Variants in PJA2 observed in about 807,000 individuals in gnomAD.
PJA2 encodes the protein praja ring finger ubiquitin ligase 2.
PJA2 carries 25 observed loss-of-function variants against 69.3 expected under a neutral mutation model. The ratio of observed to expected loss-of-function variants is 0.36; its 90% confidence interval spans 0.26 to 0.50. PJA2 has a LOEUF of 0.50. Ranked by LOEUF, PJA2 falls within the 20% of genes least tolerant of loss-of-function variation. The pLI is 0.96. For synonymous variants in PJA2, 308 were observed against 277.8 expected, an observed-to-expected ratio of 1.11 and a Z score of -1.08; for missense variants, 809 against 830.2, an observed-to-expected ratio of 0.97 and a Z score of 0.31.
chr5:109,370,114 T>C (rs1280352808), intron 4 of PJA2, among the ~76,000 whole-genome samples: 2 of 151,936 alleles, frequency 1.3e-5, no homozygotes, highest in African/African-American at 2.4e-5. Context: ...TTAACTACTC[T>C]TAGTTTTTAA....
chr5:109,360,742 A>G (rs1023970487), intron 6 of PJA2, among the ~76,000 whole-genome samples: 2 of 152,228 alleles, frequency 1.3e-5, no homozygotes, highest in Non-Finnish European at 2.9e-5. Flanking sequence ...GACCACTAGT[A>G]AGGTTTCTAA....
chr5:109,357,445 C>A (rs901138158), intron 6 of PJA2, among the ~76,000 whole-genome samples: 2 of 152,152 alleles, frequency 1.3e-5, no homozygotes, highest in Non-Finnish European at 2.9e-5. Flanking sequence ...TACAAAGCAA[C>A]AGACATGCAC....
At chr5:109,394,416 C>A (rs893931084) in intron 1 of PJA2, among the ~76,000 whole-genome samples, 4 of 152,126 alleles carry the variant, frequency 2.6e-5, no homozygotes, top group African/African-American at 7.2e-5. Context: ...TGAAGTTACA[C>A]CCATTTTTAT....
At chr5:109,399,587 G>C (rs538806695) in intron 1 of PJA2, among the ~76,000 whole-genome samples, 1 of 152,180 alleles carries the variant, frequency 6.6e-6, no homozygotes. Flanking sequence ...TCACGAATTA[G>C]ATTGAATCAA....
intron 7 of PJA2, 149 bp downstream of exon 7, chr5:109,355,766 A>G (rs1762402566): frequency 3.8e-6 from 2 of 521,380 alleles, no homozygotes; most frequent in East Asian, 5.8e-5. Context: ...TTGTATGCAC[A>G]TACTGGTGAC....
chr5:109,393,789 C>A (rs531437003), intron 1 of PJA2, among the ~76,000 whole-genome samples: 5 of 152,168 alleles, frequency 3.3e-5, no homozygotes, highest in African/African-American at 1.2e-4. Context: ...ACCATAGCTA[C>A]CCACAACAGG....
chr5:109,353,362 T>C (rs1260321000), intron 7 of PJA2, among the ~76,000 whole-genome samples: 4 of 141,512 alleles, frequency 2.8e-5, no homozygotes, highest in African/African-American at 1.0e-4. Context: ...ATCTATATAT[T>C]AGATACCTAT....
chr5:109,400,901 T>C (rs1425797158), intron 1 of PJA2, among the ~76,000 whole-genome samples: 1 of 152,074 alleles, frequency 6.6e-6, no homozygotes, highest in African/African-American at 2.4e-5. Context: ...GAGACTGGCA[T>C]GAACCTGGGA....
chr5:109,387,494 C>A (rs1747185387), intron 1 of PJA2, among the ~76,000 whole-genome samples: 1 of 152,232 alleles, frequency 6.6e-6, no homozygotes, highest in Non-Finnish European at 1.5e-5. Flanking sequence ...TAGTTGTTTC[C>A]TCCAGGTACT....
intron 1 of PJA2, among the ~76,000 whole-genome samples, chr5:109,386,739 T>C (rs994156456): frequency 6.6e-6 from 1 of 152,096 alleles, no homozygotes; most frequent in Non-Finnish European, 1.5e-5. Context: ...CATCTGAAAA[T>C]ACTATCTCCC....
Position 109,354,509 on chromosome 5 carries a change from T to TA in PJA2, c.1764+1405dup, listed in dbSNP as rs200051199. Among the ~76,000 whole-genome samples, 118 of 31,034 alleles carry TA rather than the reference T, an allele frequency of 3.8e-3. 5 individuals carry two copies. The highest frequency in any genetic ancestry group is 0.025 in the East Asian group (61 of 2,402). The allele number at this position is 31,034 out of a possible 152,430, so 20.4% of individuals were successfully genotyped here. A position where few individuals can be genotyped will look rare whatever the true frequency, so the allele number is the denominator to read the frequency against. On this transcript the variant is annotated intron_variant, in intron 7 of 9. Coordinates refer to ENST00000361189, the MANE Select transcript of PJA2 (RefSeq NM_014819.5). ...AGATATCTATAATATCATAGATATC[T>TA]ATATCGATATTAGATATCTATAATA...
In PJA2 at chr5:109,387,561, A is replaced by G. The variant is rs542600856; in HGVS notation, c.-87-4041T>C. Among the ~76,000 whole-genome samples the G allele has an allele frequency of 3.3e-5, 5 of 152,322 alleles. No homozygotes were observed. In the East Asian group the frequency reaches 9.6e-4, roughly 29 times the overall value. On this transcript the variant is annotated intron_variant, in intron 1 of 9. Transcript: ENST00000361189. ...TCTACTTGTGACAATTAGTCACTTC[A>G]AACAATTCGGGGTTTTTACATACTT... is the stretch of plus-strand genomic sequence containing the variant.
At chr5:109,368,535 A>G (rs1166978121) in intron 5 of PJA2, 26 bp downstream of exon 5, 3 of 1,585,052 alleles carry the variant, frequency 1.9e-6, no homozygotes, top group Non-Finnish European at 2.6e-6. Context: ...AATATACAGA[A>G]AAATAAATCT....
chr5:109,393,527 T>C (rs1371109717), intron 1 of PJA2, among the ~76,000 whole-genome samples: 4 of 151,976 alleles, frequency 2.6e-5, no homozygotes, highest in African/African-American at 7.2e-5. Context: ...CCCACTTATA[T>C]GGCAGGCTGT....
rs1761963068 is a variant in PJA2, at chr5:109,337,250, C to T, written c.2108G>A (p.Ser703Asn). The T allele has an allele frequency of 1.2e-6, 2 of 1,613,610 alleles. No individual in the cohort carries two copies. The highest frequency in any genetic ancestry group is 2.2e-5 in the East Asian group (1 of 44,868). The change falls in exon 10 of 10, where the codon AGT becomes AAT. Residue 703 changes from serine to asparagine, a missense_variant. Physicochemically the swap from Ser to Asn is conservative, Grantham distance 46 (BLOSUM62 1). Coordinates refer to ENST00000361189, the MANE Select transcript of PJA2 (RefSeq NM_014819.5). Reference protein sequence around the residue: ...PDPDAPPSNDSIAEAP With the variant: ...PDPDAPPSNDNIAEAP ...CAAGGTTTAGGGTGCTTCTGCAATA[C>T]TGTCATTTGAAGGTGGGGCATCAGG...
chr5:109,396,048 G>C (rs553032707), intron 1 of PJA2, among the ~76,000 whole-genome samples: 1 of 151,270 alleles, frequency 6.6e-6, no homozygotes, highest in South Asian at 2.1e-4. Flanking sequence ...AAGCAGACAG[G>C]TTACAAAAAT....
chr5:109,401,900 T>A (rs1482942680), intron 1 of PJA2, among the ~76,000 whole-genome samples: 1 of 152,164 alleles, frequency 6.6e-6, no homozygotes, highest in Non-Finnish European at 1.5e-5. Flanking sequence ...AAACAAATAT[T>A]ACAAGGTATT....
intron 1 of PJA2, among the ~76,000 whole-genome samples, chr5:109,395,890 C>G (rs1443488071): frequency 1.3e-5 from 2 of 151,732 alleles, no homozygotes; most frequent in African/African-American, 4.8e-5. Flanking sequence ...ATCCCAGCTA[C>G]TCGGGAGGCT....
chr5:109,397,351 G>C (rs1180888271), intron 1 of PJA2, among the ~76,000 whole-genome samples: 3 of 152,268 alleles, frequency 2.0e-5, no homozygotes, highest in East Asian at 1.9e-4. Flanking sequence ...GCTATAAAAA[G>C]TTAATTTTAG....
Sources: allele counts gnomAD v4.1 joint callset (sites outside exome capture counted in the v4.1 genomes callset), GRCh38; gene constraint gnomAD v4.1.1; transcripts MANE v1.5; gene names NCBI Gene and HGNC (gene_info 2026-07-23, HGNC 2026-07-21).